CPXM2: variants seen among roughly 807,000 people sequenced by gnomAD.
CPXM2 encodes the protein inactive carboxypeptidase-like protein X2.
CPXM2 carries 66 observed loss-of-function variants against 86.1 expected under a neutral mutation model. The ratio of observed to expected loss-of-function variants is 0.77; its 90% confidence interval spans 0.63 to 0.94. CPXM2 has a LOEUF of 0.94. CPXM2 is among the 40% of genes least tolerant of loss of function. The probability of loss-of-function intolerance (pLI) is 0.00; values close to 1 mark genes in which losing one functional copy is unlikely to be tolerated. For synonymous variants in CPXM2, 388 were observed against 400.2 expected, an observed-to-expected ratio of 0.97 and a Z score of 0.36; for missense variants, 948 against 1,026.3, an observed-to-expected ratio of 0.92 and a Z score of 1.04.
rs368926339 is a variant in CPXM2, at chr10:123,880,200, G to A, written c.403+11C>T. ...GGACTGGTGTAGGGGCTCTCCGAGA[G>A]CCTCACTTACTCTCTCTGACATCTT... On this transcript the variant is annotated intron_variant, in intron 2 of 13. Transcript: ENST00000241305. 103 of 1,197,414 alleles carry A rather than the reference G, an allele frequency of 8.6e-5. No individual in the cohort carries two copies. The highest frequency in any genetic ancestry group is 1.2e-4 in the Admixed American group (7 of 56,460). 74.2% of individuals were successfully genotyped at this position (1,197,414 alleles called of 1,614,324 possible). A position where few individuals can be genotyped will look rare whatever the true frequency, so the allele number is the denominator to read the frequency against.
At chr10:123,756,895 C>T (rs1846226228) in intron 12 of CPXM2, among the ~76,000 whole-genome samples, 1 of 152,220 alleles carries the variant, frequency 6.6e-6, no homozygotes, top group Admixed American at 6.5e-5. Flanking sequence ...TTTGTGATGG[C>T]AGCCAGCGTA....
intron 13 of CPXM2, chr10:123,750,176 G>C: frequency 2.0e-6 from 2 of 985,252 alleles, no homozygotes; most frequent in Non-Finnish European, 2.4e-6. Context: ...AATTTGTTCT[G>C]TCCTTGTGGC....
intron 6 of CPXM2, among the ~76,000 whole-genome samples, chr10:123,783,609 A>T (rs1292683612): frequency 6.6e-6 from 1 of 152,208 alleles, no homozygotes; most frequent in African/African-American, 2.4e-5. Context: ...CAAGTTAGTG[A>T]CAGAGGGAGC....
chr10:123,754,335 G>A lies in CPXM2; in HGVS notation c.2017+328C>T, dbSNP rs1344346830. ...CATGGACACAGGCCACATTCCACCT[G>A]GTCTGAGAGCTAAGCTGCCTGCAGA... is the stretch of plus-strand genomic sequence containing the variant. On this transcript the variant is annotated intron_variant, in intron 13 of 13. Coordinates refer to ENST00000241305, the MANE Select transcript of CPXM2 (RefSeq NM_198148.3). This position sits in a 1 kb window ranked among gnomAD's most constrained non-coding sequence, Gnocchi z 4.0. Among the ~76,000 whole-genome samples the A allele has an allele frequency of 6.6e-6, 1 of 152,174 alleles. No homozygotes were observed. The highest frequency in any genetic ancestry group is 2.4e-5 in the African/African-American group (1 of 41,430).
chr10:123,791,940 G>C (rs997769058), intron 6 of CPXM2, among the ~76,000 whole-genome samples: 1 of 152,226 alleles, frequency 6.6e-6, no homozygotes, highest in African/African-American at 2.4e-5. Flanking sequence ...TTGCTGCGCA[G>C]CTGAACCCAG....
intron 2 of CPXM2, among the ~76,000 whole-genome samples, chr10:123,870,713 G>A (rs2134212420): frequency 6.6e-6 from 1 of 152,222 alleles, no homozygotes; most frequent in South Asian, 2.1e-4. Context: ...CCCACCACAG[G>A]AGAGATGATC....
chr10:123,870,611 C>T, intron 2 of CPXM2, among the ~76,000 whole-genome samples: 1 of 152,190 alleles, frequency 6.6e-6, no homozygotes, highest in Non-Finnish European at 1.5e-5. Context: ...ATACCACTGG[C>T]TTCCCAGAGG....
Position 123,768,553 on chromosome 10 carries a change from G to A in CPXM2, c.1272C>T (p.Pro424=), listed in dbSNP as rs17106006. Residue 424 remains proline, a synonymous_variant, in exon 9 of 14, where the codon CCC becomes CCT. Coordinates refer to ENST00000241305, the MANE Select transcript of CPXM2 (RefSeq NM_198148.3). ...CTTCGTAGGCCTTCTCGTAGCCATC[G>A]GGGTTGAGGGAGGGGAGGACGTGAA... The part of the protein sequence containing the change: ...TRIHVLPSLN[P]DGYEKAYEGG... 41,690 of 1,576,142 alleles carry A rather than the reference G, an allele frequency of 0.026. 1,110 individuals carry two copies. Among genetic ancestry groups the A allele is most frequent in the Middle Eastern group, 0.038 (225 of 5,876 alleles).
chr10:123,890,085 T>G (rs894532847), intron 1 of CPXM2, among the ~76,000 whole-genome samples: 4 of 152,178 alleles, frequency 2.6e-5, no homozygotes, highest in African/African-American at 9.7e-5. Context: ...TCGGAGCCAC[T>G]GAAAGGATGA....
chr10:123,937,748 T>C (rs1262745254), intron 2 of CPXM2, among the ~76,000 whole-genome samples: 1 of 152,140 alleles, frequency 6.6e-6, no homozygotes, highest in African/African-American at 2.4e-5. Flanking sequence ...CAGGCAACTT[T>C]TATTTTTCTT....
intron 2 of CPXM2, among the ~76,000 whole-genome samples, chr10:123,873,634 A>G (rs572585952): frequency 3.7e-4 from 56 of 152,292 alleles, no homozygotes; most frequent in African/African-American, 1.3e-3. Context: ...ATAAACCTAC[A>G]GTAATTAAGA....
intron 7 of CPXM2, among the ~76,000 whole-genome samples, chr10:123,774,832 C>T (rs1421471325): frequency 2.0e-5 from 3 of 152,220 alleles, no homozygotes; most frequent in Non-Finnish European, 4.4e-5. Flanking sequence ...CTACAGCCAT[C>T]ACCATGAAGA....
chr10:123,787,494 C>T (rs143446583), intron 6 of CPXM2, among the ~76,000 whole-genome samples: 3,325 of 152,178 alleles, frequency 0.022, 33 homozygotes, highest in Non-Finnish European at 0.034. Flanking sequence ...CCACCACGCC[C>T]GGCTAATTTT....
At chr10:123,789,042 A>T (rs977316781) in intron 6 of CPXM2, among the ~76,000 whole-genome samples, 1 of 152,082 alleles carries the variant, frequency 6.6e-6, no homozygotes, top group African/African-American at 2.4e-5. Context: ...CCCAAACCCC[A>T]ACATGCTCAG....
At chr10:123,785,634 C>CT (rs34924886) in intron 6 of CPXM2, among the ~76,000 whole-genome samples, 9,832 of 136,688 alleles carry the variant, frequency 0.072, 449 homozygotes, top group African/African-American at 0.13. Flanking sequence ...ACTTTAGCTT[C>CT]TTTTTTTTTT....
At chr10:123,936,858 G>C (rs868534926) in intron 2 of CPXM2, among the ~76,000 whole-genome samples, 3 of 152,090 alleles carry the variant, frequency 2.0e-5, no homozygotes, top group African/African-American at 7.2e-5. Flanking sequence ...GGGTAGCAAT[G>C]AGTTCCCTCC....
chr10:123,765,716 C>T (rs557078137), intron 10 of CPXM2, among the ~76,000 whole-genome samples: 82 of 152,296 alleles, frequency 5.4e-4, no homozygotes, highest in African/African-American at 1.8e-3. Flanking sequence ...GTGGCATTGC[C>T]GCCGTCTGTC....
At chr10:123,824,323 T>C (rs1847998852) in intron 4 of CPXM2, among the ~76,000 whole-genome samples, 1 of 152,196 alleles carries the variant, frequency 6.6e-6, no homozygotes. Context: ...GATCAGAATG[T>C]TATTAGAAAA....
intron 4 of CPXM2, 49 bp downstream of exon 4, chr10:123,842,300 A>G (rs1848402309): frequency 6.2e-7 from 1 of 1,609,996 alleles, no homozygotes. Flanking sequence ...GACCCTCAAA[A>G]GCTAGACCCA....
Sources: gnomAD v4.1 joint callset for allele counts (sites outside exome capture counted in the v4.1 genomes callset) on GRCh38, gnomAD v4.1.1 for gene constraint, Gnocchi (gnomAD v3.1) non-coding constraint, MANE v1.5 for transcripts, NCBI Gene and HGNC (gene_info 2026-07-23, HGNC 2026-07-21) for gene names.